LSM4: variants seen among roughly 807,000 people sequenced by gnomAD.
LSM4 encodes LSM4 homolog, U6 small nuclear RNA and mRNA degradation associated.
In LSM4, 15 loss-of-function variants were observed where a neutral mutation model predicts 22.3. The ratio of observed to expected loss-of-function variants is 0.67; its 90% CI spans 0.45 to 1.03. LSM4 has a LOEUF of 1.03. LSM4 is among the 50% of genes least tolerant of loss of function. The pLI, the probability that LSM4 is intolerant of heterozygous loss-of-function variation, is 0.00. For synonymous variants in LSM4, 90 were observed against 79.8 expected (o/e 1.13, Z -0.68); for missense variants, 127 against 198.0 (o/e 0.64, Z 2.15).
intron 3 of LSM4, 176 bp from the exon 4 acceptor site, chr19:18,310,037 TC>T: frequency 1.7e-6 from 1 of 604,196 alleles, no homozygotes; most frequent in South Asian, 2.2e-5. Context: ...GCAGGATCTG[TC>T]CTGACCCCAG....
chr19:18,316,568 A>C (rs1970358919), intron 1 of LSM4, among the ~76,000 whole-genome samples: 1 of 151,958 alleles, frequency 6.6e-6, no homozygotes, highest in Non-Finnish European at 1.5e-5. Context: ...GGCTAGTCGC[A>C]AACTCCAGAC....
intron 4 of LSM4, among the ~76,000 whole-genome samples, chr19:18,307,892 T>G: frequency 7.3e-6 from 1 of 137,508 alleles, no homozygotes; most frequent in South Asian, 2.3e-4. Flanking sequence ...GAGGAGGAGG[T>G]AGGAGAGGCG....
chr19:18,323,038 G>C lies in LSM4; in HGVS notation c.-18C>G, dbSNP rs958461926. On this transcript the variant is annotated 5_prime_UTR_variant, in exon 1 of 5. Coordinates refer to ENST00000593829, the MANE Select transcript of LSM4 (RefSeq NM_012321.5). ...CTCACCATGGTGCCGGCGGGGACCG[G>C]GCTCGCCGGCCACTTCCGCCGCCGC... 3.9e-6 allele frequency: 6 copies of C among 1,544,166 alleles called. No individual in the cohort carries two copies. In the African/African-American group the frequency reaches 7.2e-5, roughly 18 times the overall value.
chr19:18,321,606 A>T (rs1037309618), intron 1 of LSM4, among the ~76,000 whole-genome samples: 1 of 152,342 alleles, frequency 6.6e-6, no homozygotes, highest in Admixed American at 6.5e-5. Context: ...CAAATAAGCT[A>T]CAAGATTAGA....
At position 18,321,717 on chromosome 19, in the gene LSM4, C is replaced by T. The variant is rs148212590; in HGVS notation, c.3+1301G>A. ...ACTATTATAAAATCTAAGATCAGTG[C>T]TTGAGATATTTTGCAGACCCCGTAC... On this transcript the variant is annotated intron_variant, in intron 1 of 4. Coordinates refer to ENST00000593829, the MANE Select transcript of LSM4 (RefSeq NM_012321.5). 3.5e-4 allele frequency among the ~76,000 whole-genome samples: 53 copies of T among 152,298 alleles called. 2 individuals carry two copies. The highest frequency in any genetic ancestry group is 1.2e-3 in the African/African-American group (51 of 41,558).
chr19:18,316,314 C>A, intron 1 of LSM4: 1 of 384,118 alleles, frequency 2.6e-6, no homozygotes, highest in Admixed American at 4.3e-5. Flanking sequence ...ACCACCTGCT[C>A]TTGGTGCTGA....
At chr19:18,322,317 T>C (rs541052016) in intron 1 of LSM4, among the ~76,000 whole-genome samples, 2 of 152,260 alleles carry the variant, frequency 1.3e-5, no homozygotes, top group South Asian at 2.1e-4. Flanking sequence ...ATCTGCACAG[T>C]GGGGGACACG....
chr19:18,314,042 G>C (rs564178019), intron 2 of LSM4, among the ~76,000 whole-genome samples: 10 of 152,162 alleles, frequency 6.6e-5, no homozygotes, highest in African/African-American at 2.2e-4. Flanking sequence ...TTGAACTCCT[G>C]ACCTCAGGTG....
chr19:18,311,351 G>A (rs1359919838), intron 3 of LSM4, among the ~76,000 whole-genome samples: 2 of 152,100 alleles, frequency 1.3e-5, no homozygotes, highest in African/African-American at 2.4e-5. Context: ...AGTTCCCATC[G>A]CCTCTCCTCC....
intron 1 of LSM4, among the ~76,000 whole-genome samples, chr19:18,319,896 AC>A (rs1399188395): frequency 6.6e-6 from 1 of 152,182 alleles, no homozygotes; most frequent in Non-Finnish European, 1.5e-5. Flanking sequence ...GTGGGTGTGG[AC>A]TTTGTCCAGG....
chr19:18,309,097 G>A (rs965327198), intron 4 of LSM4, among the ~76,000 whole-genome samples: 2 of 151,918 alleles, frequency 1.3e-5, no homozygotes, highest in South Asian at 4.1e-4. Context: ...ACCACCTCGT[G>A]AGCCTGCACA....
At chr19:18,316,086 CAT>C (rs1224328919) in intron 1 of LSM4, 21 bp from the exon 2 acceptor site, 3 of 1,613,098 alleles carry the variant, frequency 1.9e-6, no homozygotes, top group African/African-American at 1.3e-5. Flanking sequence ...AATAAAGCCA[CAT>C]GATTTGTCTG....
intron 3 of LSM4, among the ~76,000 whole-genome samples, chr19:18,311,293 G>A (rs563267742): frequency 3.9e-5 from 6 of 152,228 alleles, no homozygotes; most frequent in African/African-American, 7.2e-5. Context: ...TGCATCCTGC[G>A]GCCTGCCTCT....
chr19:18,320,297 C>T (rs970810295), intron 1 of LSM4, among the ~76,000 whole-genome samples: 3 of 152,072 alleles, frequency 2.0e-5, no homozygotes, highest in Non-Finnish European at 4.4e-5. Flanking sequence ...CGCTTGAGCC[C>T]AGGAGTATGA....
Position 18,323,059 on chromosome 19 carries a change from G to C in LSM4, c.-39C>G, listed in dbSNP as rs1320100702. 4.0e-6 allele frequency: 6 copies of C among 1,513,900 alleles called. No homozygotes were observed. Among genetic ancestry groups the C allele is most frequent in the Non-Finnish European group, 5.3e-6 (6 of 1,138,724 alleles). 93.8% of individuals were successfully genotyped at this position (1,513,900 alleles called of 1,614,324 possible). A position where few individuals can be genotyped will look rare whatever the true frequency, so the allele number is the denominator to read the frequency against. ...ACCGGGCTCGCCGGCCACTTCCGCC[G>C]CCGCCGCTGCACACGCTCCCGGCGG... is the stretch of plus-strand genomic sequence containing the variant. On this transcript the variant is annotated 5_prime_UTR_variant, in exon 1 of 5. Coordinates refer to ENST00000593829, the MANE Select transcript of LSM4 (RefSeq NM_012321.5).
At chr19:18,322,637 G>C (rs1401536371) in intron 1 of LSM4, among the ~76,000 whole-genome samples, 3 of 151,980 alleles carry the variant, frequency 2.0e-5, no homozygotes, top group African/African-American at 7.2e-5. Flanking sequence ...CAGCACTCTA[G>C]TTTTCAATCA....
intron 1 of LSM4, 114 bp downstream of exon 1, chr19:18,322,904 G>A (rs76378167): frequency 0.057 from 82,982 of 1,458,408 alleles, 2,674 homozygotes; most frequent in Non-Finnish European, 0.062. Context: ...GGGACTCGAG[G>A]CTCGGACCTT....
intron 2 of LSM4, among the ~76,000 whole-genome samples, chr19:18,312,903 T>C (rs756551391): frequency 4.6e-5 from 7 of 152,196 alleles, no homozygotes; most frequent in Non-Finnish European, 8.8e-5. Flanking sequence ...CAGTCTATCA[T>C]GACGCCAACC....
At chr19:18,320,861 C>T (rs186078580) in intron 1 of LSM4, among the ~76,000 whole-genome samples, 18 of 152,172 alleles carry the variant, frequency 1.2e-4, no homozygotes, top group Non-Finnish European at 2.4e-4. Context: ...GAGGCCCCAC[C>T]CTGGTTTATG....
Sources: allele counts gnomAD v4.1 joint callset (sites outside exome capture counted in the v4.1 genomes callset), GRCh38; gene constraint gnomAD v4.1.1; transcripts MANE v1.5; gene names NCBI Gene and HGNC (gene_info 2026-07-23, HGNC 2026-07-21).